SYN3: variants seen among roughly 807,000 people sequenced by gnomAD.
SYN3 encodes synapsin III.
SYN3 carries 35 observed loss-of-function variants against 65.8 expected under a neutral mutation model. That is an observed-to-expected ratio of 0.53 (90% CI 0.41 to 0.70). The LOEUF (loss-of-function observed/expected upper bound fraction) is 0.70, where lower values mean the gene tolerates loss of function less well. Among genes scored for constraint, SYN3 ranks in the 30% least tolerant of loss-of-function variants. The pLI, the probability that SYN3 is intolerant of heterozygous loss-of-function variation, is 0.00. For synonymous variants in SYN3, 270 were observed against 292.9 expected (o/e 0.92, Z 0.80); for missense variants, 680 against 749.0 (o/e 0.91, Z 1.08).
intron 7 of SYN3, among the ~76,000 whole-genome samples, chr22:32,554,899 T>C (rs1046660055): frequency 1.3e-5 from 2 of 152,238 alleles, no homozygotes; most frequent in African/African-American, 4.8e-5. Context: ...GTGTCTCACT[T>C]TCCTCATCAA....
chr22:32,905,312 T>C (rs553629684), intron 4 of SYN3, among the ~76,000 whole-genome samples: 1 of 152,196 alleles, frequency 6.6e-6, no homozygotes, highest in African/African-American at 2.4e-5. Flanking sequence ...TACACAGTAT[T>C]ACTCTAACTT....
Position 32,843,159 on chromosome 22 carries a change from G to A in SYN3, c.711+21756C>T, listed in dbSNP as rs562778950. Among the ~76,000 whole-genome samples, 22 of 152,256 alleles carry A rather than the reference G, an allele frequency of 1.4e-4. No homozygotes were observed. In the South Asian group the frequency reaches 4.6e-3, roughly 32 times the overall value. ...TCATTGTCCACAGTTGGAAAGTAGG[G>A]ACATTAACAGCCACAACAGTAGCCA... On this transcript the variant is annotated intron_variant, in intron 6 of 13. Coordinates refer to ENST00000358763, the MANE Select transcript of SYN3 (RefSeq NM_003490.4).
rs190480548 is a variant in SYN3 at position 32,703,882 on chromosome 22, T to C, written c.712-107146A>G. On this transcript the variant is annotated intron_variant, in intron 6 of 13. Coordinates refer to ENST00000358763, the MANE Select transcript of SYN3 (RefSeq NM_003490.4). Reference sequence around the variant, plus strand: ...TCAAATGCATTTTTGATAAAAATCATTGAAATATTTTTGGTTGGAGGTACA... The same window carrying C: ...TCAAATGCATTTTTGATAAAAATCACTGAAATATTTTTGGTTGGAGGTACA... 2.3e-4 allele frequency among the ~76,000 whole-genome samples: 35 copies of C among 152,298 alleles called. 1 individual carries two copies. The East Asian group carries it at 5.4e-3, about 24-fold the overall frequency.
intron 3 of SYN3, among the ~76,000 whole-genome samples, chr22:32,933,082 T>C (rs747215851): frequency 1.3e-5 from 2 of 152,194 alleles, no homozygotes; most frequent in African/African-American, 2.4e-5. Flanking sequence ...AAAGTCACAT[T>C]CTACTGTGGG....
chr22:33,001,420 A>C (rs536296308), intron 2 of SYN3, among the ~76,000 whole-genome samples: 3 of 152,318 alleles, frequency 2.0e-5, no homozygotes, highest in African/African-American at 7.2e-5. Flanking sequence ...TGTATACCAC[A>C]TGGACACTGG....
At chr22:32,825,940 A>G (rs889469482) in intron 6 of SYN3, among the ~76,000 whole-genome samples, 3 of 152,306 alleles carry the variant, frequency 2.0e-5, no homozygotes, top group Admixed American at 6.5e-5. Context: ...GGATGATTCT[A>G]TTAGCAGGGG....
chr22:32,602,999 G>C (rs1278275668), intron 6 of SYN3, among the ~76,000 whole-genome samples: 1 of 150,796 alleles, frequency 6.6e-6, no homozygotes, highest in Non-Finnish European at 1.5e-5. Context: ...TTTTGAGATG[G>C]AGTCTCGCTC....
At chr22:32,733,412 AAG>A (rs1301618184) in intron 6 of SYN3, among the ~76,000 whole-genome samples, 1 of 152,186 alleles carries the variant, frequency 6.6e-6, no homozygotes, top group Non-Finnish European at 1.5e-5. Flanking sequence ...GGAACTAACA[AAG>A]ACGTCTTATC....
At chr22:32,963,478 GT>G (rs1255963601) in intron 3 of SYN3, among the ~76,000 whole-genome samples, 1 of 152,030 alleles carries the variant, frequency 6.6e-6, no homozygotes, top group African/African-American at 2.4e-5. Flanking sequence ...GGAGAGTTAG[GT>G]TCTAGAGAGA....
chr22:32,574,269 C>T (rs2058821500), intron 7 of SYN3, among the ~76,000 whole-genome samples: 1 of 151,984 alleles, frequency 6.6e-6, no homozygotes, highest in African/African-American at 2.4e-5. Context: ...CGCCTGAGGC[C>T]AGGAGTGTAA....
In SYN3 at chr22:32,533,847, G is replaced by A; in HGVS notation, c.1041C>T (p.Asp347=). The part of the protein sequence containing the change: ...DSCSEMFGGL[D]ICAVKAVHSK... ...TGTGGACAGCCTTGACGGCACAGATGTCCAGGCCGCCAAACATTTCCGAGC... is the reference window on the plus strand; with the variant it reads ...TGTGGACAGCCTTGACGGCACAGATATCCAGGCCGCCAAACATTTCCGAGC... Residue 347 remains aspartate, a synonymous_variant, in exon 10 of 14, where the codon GAC becomes GAT. Coordinates refer to ENST00000358763, the MANE Select transcript of SYN3 (RefSeq NM_003490.4). 2 of 1,614,018 alleles carry A rather than the reference G, an allele frequency of 1.2e-6. No individual in the cohort carries two copies. The highest frequency in any genetic ancestry group is 2.7e-5 in the African/African-American group (2 of 75,050).
intron 4 of SYN3, among the ~76,000 whole-genome samples, chr22:32,882,911 C>A (rs574169232): frequency 1.3e-5 from 2 of 152,118 alleles, no homozygotes; most frequent in East Asian, 1.9e-4. Flanking sequence ...CCCCCGCCCC[C>A]CAACCAGCTC....
intron 6 of SYN3, among the ~76,000 whole-genome samples, chr22:32,682,542 G>A (rs1287307089): frequency 2.0e-5 from 3 of 152,116 alleles, no homozygotes; most frequent in Non-Finnish European, 4.4e-5. Context: ...GGGAGGAAGG[G>A]CAGTAGCATT....
At chr22:32,988,212 C>T (rs1222207587) in intron 2 of SYN3, among the ~76,000 whole-genome samples, 1 of 151,822 alleles carries the variant, frequency 6.6e-6, no homozygotes, top group Non-Finnish European at 1.5e-5. Flanking sequence ...GAGGCTGAGG[C>T]AGGAGAATTG....
intron 6 of SYN3, among the ~76,000 whole-genome samples, chr22:32,766,458 A>G (rs920653466): frequency 6.6e-6 from 1 of 152,204 alleles, no homozygotes; most frequent in Non-Finnish European, 1.5e-5. Context: ...GCCATCTTTT[A>G]TAGATGAGGG....
At chr22:32,937,378 A>G (rs2050802731) in intron 3 of SYN3, among the ~76,000 whole-genome samples, 1 of 152,234 alleles carries the variant, frequency 6.6e-6, no homozygotes, top group Non-Finnish European at 1.5e-5. Context: ...TCTGTTCTAC[A>G]CTGCTATCAA....
At chr22:32,854,339 A>G (rs1283646466) in intron 6 of SYN3, among the ~76,000 whole-genome samples, 1 of 152,094 alleles carries the variant, frequency 6.6e-6, no homozygotes, top group Non-Finnish European at 1.5e-5. Context: ...TGCGGTGCCA[A>G]GCTGATTTCG....
chr22:32,871,505 C>T (rs1376997252), intron 4 of SYN3, among the ~76,000 whole-genome samples: 1 of 152,246 alleles, frequency 6.6e-6, no homozygotes, highest in African/African-American at 2.4e-5. Context: ...TTCAAACCCT[C>T]AAAAGGCGTC....
intron 6 of SYN3, among the ~76,000 whole-genome samples, chr22:32,711,003 G>C (rs148339235): frequency 6.6e-6 from 1 of 152,158 alleles, no homozygotes; most frequent in East Asian, 1.9e-4. Context: ...TGCCGGAGAT[G>C]CTCTTCACTC....
Sources: allele counts gnomAD v4.1 joint callset (sites outside exome capture counted in the v4.1 genomes callset), GRCh38; gene constraint gnomAD v4.1.1; transcripts MANE v1.5; gene names NCBI Gene and HGNC (gene_info 2026-07-23, HGNC 2026-07-21).